The following RNF17 variants were observed in gnomAD, a reference collection of about 807,000 sequenced individuals.
RNF17 encodes the protein ring finger protein 17.
In RNF17, 31 loss-of-function variants were observed where a neutral mutation model predicts 200.5. The observed-to-expected ratio is 0.15, with a 90% confidence interval of 0.12 to 0.21. RNF17 has a LOEUF of 0.21. Ranked by LOEUF, RNF17 falls within the 10% of genes least tolerant of loss-of-function variation. RNF17 has a pLI of 1.00. For synonymous variants in RNF17, 606 were observed against 637.8 expected, an observed-to-expected ratio of 0.95 and a Z score of 0.75; for missense variants, 1,628 against 1,905.1, an observed-to-expected ratio of 0.85 and a Z score of 2.71.
At chr13:24,858,858 GT>G (rs1421181962) in intron 25 of RNF17, 142 bp from the exon 26 acceptor site, 2 of 579,386 alleles carry the variant, frequency 3.5e-6, no homozygotes, top group Non-Finnish European at 6.1e-6. Context: ...TTACTAGTAT[GT>G]TTTAAAACAC....
At chr13:24,770,991 T>G (rs1316982589) in intron 2 of RNF17, among the ~76,000 whole-genome samples, 1 of 152,230 alleles carries the variant, frequency 6.6e-6, no homozygotes, top group Non-Finnish European at 1.5e-5. Context: ...AATGGCTGTT[T>G]CCTTGTTGTA....
At chr13:24,854,195 G>A in intron 25 of RNF17, 51 bp downstream of exon 25, 1 of 1,393,440 alleles carries the variant, frequency 7.2e-7, no homozygotes, top group East Asian at 2.3e-5. Context: ...CGAACGACAG[G>A]GATTGAAATA....
At chr13:24,875,079 G>C (rs1894712624) in intron 33 of RNF17, among the ~76,000 whole-genome samples, 1 of 152,070 alleles carries the variant, frequency 6.6e-6, no homozygotes, top group Non-Finnish European at 1.5e-5. Context: ...AAAGTTCATG[G>C]AAAATGCATA....
the RNF17 span, among the ~76,000 whole-genome samples, chr13:24,887,301 C>G: frequency 1.3e-5 from 2 of 152,144 alleles, no homozygotes; most frequent in East Asian, 3.9e-4. Context: ...GCCCCAAACC[C>G]CACGGTATAC....
At chr13:24,756,311 T>C in the RNF17 span, among the ~76,000 whole-genome samples, 1 of 152,212 alleles carries the variant, frequency 6.6e-6, no homozygotes, top group Non-Finnish European at 1.5e-5. Flanking sequence ...TAGCATAAAC[T>C]TTATAAATAG....
chr13:24,839,131 T>C (rs1890338502), intron 18 of RNF17, among the ~76,000 whole-genome samples: 1 of 152,086 alleles, frequency 6.6e-6, no homozygotes, highest in African/African-American at 2.4e-5. Flanking sequence ...AAAAGACCTC[T>C]AGAAGGAAAA....
At chr13:24,797,734 G>GTA (rs757312523) in intron 11 of RNF17, among the ~76,000 whole-genome samples, 20,148 of 150,440 alleles carry the variant, frequency 0.13, 1,797 homozygotes, top group Admixed American at 0.24. Context: ...GTGTGTGTGT[G>GTA]TGTGTGTGTG....
At chr13:24,791,590 A>G (rs1403578397) in intron 9 of RNF17, among the ~76,000 whole-genome samples, 4 of 152,180 alleles carry the variant, frequency 2.6e-5, no homozygotes, top group Non-Finnish European at 5.9e-5. Context: ...ATATAGATGT[A>G]GAAACCACCA....
At chr13:24,759,453 A>C (rs1255847319), upstream of RNF17, among the ~76,000 whole-genome samples, 1 of 152,218 alleles carries the variant, frequency 6.6e-6, no homozygotes, top group African/African-American at 2.4e-5. Flanking sequence ...CAGAACCCTC[A>C]AGGTATTATG....
At position 24,842,112 on chromosome 13, in the gene RNF17, A is replaced by T. The variant is rs777853872; in HGVS notation, c.2554A>T (p.Ser852Cys). 1 of 1,609,982 alleles carries T rather than the reference A, an allele frequency of 6.2e-7. No individual in the cohort carries two copies. Among genetic ancestry groups the T allele is most frequent in the Non-Finnish European group, 8.5e-7 (1 of 1,176,798 alleles). The change falls in exon 19 of 36, where the codon AGT (serine) becomes TGT (cysteine). Residue 852 changes from serine (S) to cysteine (C), a missense_variant. Ser to Cys is a moderately radical substitution (Grantham distance 112). Transcript: ENST00000255324. ...TGGTGCTCCTGAAATGACTACTACTAGTATTAATGACCAGCTAGTTAAAGA... is the reference window on the plus strand; with the variant it reads ...TGGTGCTCCTGAAATGACTACTACTTGTATTAATGACCAGCTAGTTAAAGA... ...SLGAPEMTTT[S>C]INDQLVKEGL...
intron 11 of RNF17, among the ~76,000 whole-genome samples, chr13:24,797,957 A>G (rs1468896031): frequency 6.6e-6 from 1 of 152,118 alleles, no homozygotes. Flanking sequence ...CTGTGAATCC[A>G]CCTTATTTAT....
At chr13:24,814,058 A>G (rs545799061) in intron 15 of RNF17, among the ~76,000 whole-genome samples, 2 of 152,156 alleles carry the variant, frequency 1.3e-5, no homozygotes, top group Admixed American at 6.5e-5. Flanking sequence ...TATATTTTGT[A>G]TATGTATTCA....
chr13:24,830,397 C>G (rs905688426), intron 16 of RNF17, 87 bp from the exon 17 acceptor site: 19 of 726,222 alleles, frequency 2.6e-5, no homozygotes, highest in Non-Finnish European at 4.3e-5. Context: ...TAAAAGTATT[C>G]TAATCTAGTT....
intron 31 of RNF17, among the ~76,000 whole-genome samples, chr13:24,869,967 A>C (rs1593485458): frequency 9.7e-6 from 1 of 103,434 alleles, no homozygotes; most frequent in African/African-American, 3.9e-5. Context: ...TTTGAGACGG[A>C]GTCTCGCTCT....
chr13:24,855,276 G>A (rs991886407), intron 25 of RNF17, among the ~76,000 whole-genome samples: 3 of 151,802 alleles, frequency 2.0e-5, no homozygotes, highest in Admixed American at 6.6e-5. Flanking sequence ...GAACATTCTT[G>A]TACCTGTCTC....
At chr13:24,838,095 G>C (rs1252645916) in intron 18 of RNF17, among the ~76,000 whole-genome samples, 4 of 152,084 alleles carry the variant, frequency 2.6e-5, no homozygotes, top group African/African-American at 9.7e-5. Flanking sequence ...ACCTAGAAGA[G>C]ATTGGATAAA....
chr13:24,755,046 C>T, the RNF17 span, among the ~76,000 whole-genome samples: 1 of 151,992 alleles, frequency 6.6e-6, no homozygotes, highest in Non-Finnish European at 1.5e-5. Flanking sequence ...ATATATTTTC[C>T]TATATAGGTA....
intron 15 of RNF17, among the ~76,000 whole-genome samples, chr13:24,816,115 G>T (rs1259231212): frequency 6.6e-6 from 1 of 151,984 alleles, no homozygotes; most frequent in African/African-American, 2.4e-5. Flanking sequence ...ACACAGGCTG[G>T]TCTCAAACTC....
At chr13:24,855,738 C>A (rs1015960729) in intron 25 of RNF17, among the ~76,000 whole-genome samples, 3 of 152,118 alleles carry the variant, frequency 2.0e-5, no homozygotes, top group African/African-American at 4.8e-5. Context: ...AGTCTTGTTA[C>A]CCCACATCCT....
Sources: gnomAD v4.1 joint callset for allele counts (sites outside exome capture counted in the v4.1 genomes callset) on GRCh38, gnomAD v4.1.1 for gene constraint, MANE v1.5 for transcripts, NCBI Gene and HGNC (gene_info 2026-07-23, HGNC 2026-07-21) for gene names.